The following FBXL17 variants were observed in gnomAD, a reference collection of about 807,000 sequenced individuals.
The protein encoded by FBXL17 is F-box and leucine rich repeat protein 17, also known as F-box/LRR-repeat protein 17.
In FBXL17, 22 loss-of-function variants were observed where a neutral mutation model predicts 66.2. That is an observed-to-expected ratio of 0.33 (90% CI 0.24 to 0.47). The LOEUF (loss-of-function observed/expected upper bound fraction) is 0.47. Ranked by LOEUF, FBXL17 falls within the 20% of genes least tolerant of loss-of-function variation. The probability of loss-of-function intolerance (pLI) is 1.00; values close to 1 mark genes in which losing one functional copy is unlikely to be tolerated. For synonymous variants in FBXL17, 474 were observed against 400.5 expected (o/e 1.18, Z -2.19); for missense variants, 878 against 948.2 (o/e 0.93, Z 0.97).
intron 6 of FBXL17, among the ~76,000 whole-genome samples, chr5:108,116,865 A>T (rs951313580): frequency 6.6e-6 from 1 of 152,068 alleles, no homozygotes; most frequent in African/African-American, 2.4e-5. Flanking sequence ...GGCAGGACTG[A>T]GAGGGTAATT....
At chr5:108,198,569 C>T (rs2150046440) in intron 5 of FBXL17, among the ~76,000 whole-genome samples, 1 of 152,284 alleles carries the variant, frequency 6.6e-6, no homozygotes, top group East Asian at 1.9e-4. Flanking sequence ...TGAGAAAAAT[C>T]TTAGAAGAGT....
intron 5 of FBXL17, among the ~76,000 whole-genome samples, chr5:108,192,402 A>T (rs573924339): frequency 1.6e-4 from 24 of 152,202 alleles, no homozygotes; most frequent in Non-Finnish European, 2.5e-4. Flanking sequence ...GTAGGTAATC[A>T]TCTTTCAGTT....
chr5:108,147,069 C>A (rs182874181), intron 6 of FBXL17, among the ~76,000 whole-genome samples: 123 of 152,310 alleles, frequency 8.1e-4, no homozygotes, highest in African/African-American at 2.8e-3. Context: ...ACTTCAACTT[C>A]TTTTAAAAGG....
chr5:108,227,941 CT>C (rs1470832335), intron 4 of FBXL17, among the ~76,000 whole-genome samples: 1 of 152,148 alleles, frequency 6.6e-6, no homozygotes, highest in Non-Finnish European at 1.5e-5. Context: ...GTTAAACACC[CT>C]GCTCAATTTC....
At chr5:108,179,131 AC>A (rs1359706104) in intron 6 of FBXL17, among the ~76,000 whole-genome samples, 8 of 152,300 alleles carry the variant, frequency 5.3e-5, no homozygotes, top group African/African-American at 1.7e-4. Flanking sequence ...TGTTCACAAA[AC>A]AATTCTTGGA....
chr5:108,313,928 T>C (rs1417147657), intron 4 of FBXL17, among the ~76,000 whole-genome samples: 1 of 151,904 alleles, frequency 6.6e-6, no homozygotes, highest in Non-Finnish European at 1.5e-5. Context: ...TTCTTACTAA[T>C]ATGAATCTTT....
At chr5:107,946,750 AG>A (rs1279332360) in intron 7 of FBXL17, among the ~76,000 whole-genome samples, 1 of 152,102 alleles carries the variant, frequency 6.6e-6, no homozygotes, top group Non-Finnish European at 1.5e-5. Flanking sequence ...TATGCAGAAT[AG>A]TGTATATATT....
chr5:108,034,290 T>C (rs994867262), intron 6 of FBXL17, among the ~76,000 whole-genome samples: 1 of 152,186 alleles, frequency 6.6e-6, no homozygotes, highest in Non-Finnish European at 1.5e-5. Context: ...CAAACTGTCA[T>C]CCTTGTTAGC....
At chr5:108,305,851 C>T (rs934854220) in intron 4 of FBXL17, among the ~76,000 whole-genome samples, 40 of 152,092 alleles carry the variant, frequency 2.6e-4, no homozygotes, top group Non-Finnish European at 8.8e-5. Context: ...ATCACTCCAC[C>T]CCTGAAAATA....
rs1311988974 is a variant in FBXL17, at chr5:108,003,368, C to CA, written c.1822+17556dup. Among the ~76,000 whole-genome samples, 10 of 152,138 alleles carry CA rather than the reference C, an allele frequency of 6.6e-5. No individual in the cohort carries two copies. In the South Asian group the frequency reaches 2.1e-3, roughly 31 times the overall value. ...GTACCAGAGTTCCTGGTGGAGCAAA[C>CA]ACAGATCTTTGAAAGCACATCCGTT... On this transcript the variant is annotated intron_variant, in intron 7 of 8. Coordinates refer to ENST00000542267, the MANE Select transcript of FBXL17 (RefSeq NM_001163315.3).
chr5:107,888,854 G>A lies in FBXL17; in HGVS notation c.1823-7675C>T, dbSNP rs370516593. ...TCATTTCATGTGGGTAATTGCCTAT[G>A]AGTGGACTTTCTGGGTCACATGGTA... is the stretch of plus-strand genomic sequence containing the variant. On this transcript the variant is annotated intron_variant, in intron 7 of 8. Coordinates refer to ENST00000542267, the MANE Select transcript of FBXL17 (RefSeq NM_001163315.3). 5.3e-5 allele frequency among the ~76,000 whole-genome samples: 8 copies of A among 152,268 alleles called. No homozygotes were observed. The East Asian group carries it at 1.5e-3, about 29-fold the overall frequency.
chr5:108,340,341 G>A (rs534767156), intron 4 of FBXL17, among the ~76,000 whole-genome samples: 13 of 151,276 alleles, frequency 8.6e-5, no homozygotes, highest in South Asian at 4.2e-4. Context: ...GCTTGAGCCC[G>A]GGAGTTCGAG....
At chr5:108,065,056 C>A (rs1460171153) in intron 6 of FBXL17, among the ~76,000 whole-genome samples, 1 of 152,114 alleles carries the variant, frequency 6.6e-6, no homozygotes, top group Non-Finnish European at 1.5e-5. Flanking sequence ...CCTAGAAGCT[C>A]AGTTTCTTTC....
chr5:107,948,101 TA>T (rs139276430), intron 7 of FBXL17, among the ~76,000 whole-genome samples: 25 of 148,668 alleles, frequency 1.7e-4, no homozygotes, highest in South Asian at 2.1e-4. Flanking sequence ...GCACTATGGT[TA>T]AAAAAAAAAT....
intron 6 of FBXL17, among the ~76,000 whole-genome samples, chr5:108,116,408 G>A (rs1045652608): frequency 2.0e-5 from 3 of 151,872 alleles, no homozygotes; most frequent in African/African-American, 7.3e-5. Flanking sequence ...GGGAGGCCAA[G>A]GAGGGTGGAT....
At chr5:107,942,476 C>T (rs541873462) in intron 7 of FBXL17, among the ~76,000 whole-genome samples, 6 of 152,340 alleles carry the variant, frequency 3.9e-5, no homozygotes, top group South Asian at 4.1e-4. Flanking sequence ...CCTATCTCTT[C>T]CTCACTATCT....
chr5:108,025,080 G>A (rs1158919151), intron 6 of FBXL17, among the ~76,000 whole-genome samples: 2 of 152,114 alleles, frequency 1.3e-5, no homozygotes, highest in Admixed American at 6.6e-5. Context: ...TCAAAAGCTA[G>A]AACATGGCAT....
chr5:108,086,477 T>G (rs1419245059), intron 6 of FBXL17, among the ~76,000 whole-genome samples: 1 of 152,246 alleles, frequency 6.6e-6, no homozygotes, highest in Non-Finnish European at 1.5e-5. Flanking sequence ...GAAGGCTCCA[T>G]GTCACATAAA....
intron 4 of FBXL17, among the ~76,000 whole-genome samples, chr5:108,237,790 C>G (rs1170231975): frequency 6.6e-6 from 1 of 152,168 alleles, no homozygotes; most frequent in African/African-American, 2.4e-5. Context: ...CACCCCAGGG[C>G]ACCTTAGTTA....
Sources: gnomAD v4.1 joint callset for allele counts (sites outside exome capture counted in the v4.1 genomes callset) on GRCh38, gnomAD v4.1.1 for gene constraint, MANE v1.5 for transcripts, NCBI Gene and HGNC (gene_info 2026-07-23, HGNC 2026-07-21) for gene names.